FBXW7: variants seen among roughly 807,000 people sequenced by gnomAD.
The protein encoded by FBXW7 is F-box/WD repeat-containing protein 7.
In FBXW7, 11 loss-of-function variants were observed where a neutral mutation model predicts 86.3. The ratio of observed to expected loss-of-function variants is 0.13; its 90% confidence interval spans 0.08 to 0.21. FBXW7 has a LOEUF of 0.21. FBXW7 is among the 10% of genes least tolerant of loss of function. The probability of loss-of-function intolerance (pLI) is 1.00; values close to 1 mark genes in which losing one functional copy is unlikely to be tolerated. For synonymous variants in FBXW7, 313 were observed against 297.9 expected (o/e 1.05, Z -0.52); for missense variants, 488 against 847.4 (o/e 0.58, Z 5.27).
At chr4:152,359,588 C>T (rs1399990892) in intron 4 of FBXW7, among the ~76,000 whole-genome samples, 5 of 151,782 alleles carry the variant, frequency 3.3e-5, no homozygotes, top group African/African-American at 4.8e-5. Flanking sequence ...GACTCTGTCT[C>T]AAAAACAAAC....
chr4:152,535,846 C>A lies in FBXW7; in HGVS notation c.-932G>T, dbSNP rs978723344. ...TCGGGCTCCGGCTCTGGCTCCGGCT[C>A]CGGCGTGTGCAGCCGCCGCTGCCGG... is the stretch of plus-strand genomic sequence containing the variant. On this transcript the variant is annotated 5_prime_UTR_variant, in exon 1 of 14. Coordinates refer to ENST00000281708, the MANE Select transcript of FBXW7 (RefSeq NM_001349798.2). 1.3e-5 allele frequency: 5 copies of A among 388,424 alleles called. No individual in the cohort carries two copies. Among genetic ancestry groups the A allele is most frequent in the African/African-American group, 1.0e-4 (5 of 48,214 alleles). 24.1% of individuals were successfully genotyped at this position (388,424 alleles called of 1,614,324 possible). A position where few individuals can be genotyped will look rare whatever the true frequency, so the allele number is the denominator to read the frequency against.
intron 2 of FBXW7, among the ~76,000 whole-genome samples, chr4:152,516,307 G>A (rs892683788): frequency 4.6e-5 from 7 of 152,206 alleles, no homozygotes; most frequent in African/African-American, 1.4e-4. Context: ...CCTGAGCTCC[G>A]CCTCCTGTCA....
intron 2 of FBXW7, among the ~76,000 whole-genome samples, chr4:152,472,872 T>C (rs1744081671): frequency 6.6e-6 from 1 of 152,166 alleles, no homozygotes; most frequent in South Asian, 2.1e-4. Context: ...AATCTCCTAA[T>C]AATGTATTTC....
intron 2 of FBXW7, among the ~76,000 whole-genome samples, chr4:152,476,907 G>A (rs978977283): frequency 6.6e-6 from 1 of 151,076 alleles, no homozygotes; most frequent in African/African-American, 2.5e-5. Flanking sequence ...AGCAAAGAAA[G>A]GCATTCTTAC....
chr4:152,516,902 T>C (rs561236952), intron 2 of FBXW7, among the ~76,000 whole-genome samples: 1 of 152,318 alleles, frequency 6.6e-6, no homozygotes, highest in South Asian at 2.1e-4. Flanking sequence ...CTTGGCTCAC[T>C]GCAGCCTCGA....
At chr4:152,403,537 G>C (rs1737132191) in intron 4 of FBXW7, among the ~76,000 whole-genome samples, 1 of 151,664 alleles carries the variant, frequency 6.6e-6, no homozygotes, top group Non-Finnish European at 1.5e-5. Flanking sequence ...TTTGGCACCA[G>C]AGACAGGTTT....
intron 4 of FBXW7, among the ~76,000 whole-genome samples, chr4:152,355,891 G>A (rs1239420212): frequency 1.3e-5 from 2 of 152,098 alleles, no homozygotes; most frequent in Non-Finnish European, 2.9e-5. Context: ...TCCTACCAGA[G>A]CTCTGAACAA....
At chr4:152,444,145 C>G (rs1560905061) in intron 2 of FBXW7, among the ~76,000 whole-genome samples, 2 of 152,124 alleles carry the variant, frequency 1.3e-5, no homozygotes, top group Admixed American at 6.5e-5. Context: ...TCTTGACCTA[C>G]AAAAACGGTA....
In FBXW7 at chr4:152,347,086, A is replaced by C. The variant is rs1560786578; in HGVS notation, c.585-15T>G. 1 of 1,586,714 alleles carries C rather than the reference A, an allele frequency of 6.3e-7. No homozygotes were observed. Among genetic ancestry groups the C allele is most frequent in the South Asian group, 1.2e-5 (1 of 85,430 alleles). On this transcript the variant is annotated splice_polypyrimidine_tract_variant and intron_variant, in intron 5 of 13. Transcript: ENST00000281708. ...GCCCAGTGGTACTACAAAAAAAAAA[A>C]AAAGAGAGAGAGAAAGGATAAAAGG... is the stretch of plus-strand genomic sequence containing the variant.
At position 152,321,133 on chromosome 4, in the gene FBXW7, G is replaced by C. The variant is rs1728528943; in HGVS notation, c.*1748C>G. 5.0e-6 allele frequency: 1 copy of C among 199,726 alleles called. No individual in the cohort carries two copies. The highest frequency in any genetic ancestry group is 6.0e-5 in the Admixed American group (1 of 16,634). The allele number at this position is 199,726 out of a possible 1,614,324, so 12.4% of individuals were successfully genotyped here. A position where few individuals can be genotyped will look rare whatever the true frequency, so the allele number is the denominator to read the frequency against. ...TTTCGCGGTATAAAACAGGCTTGAAGTATTGATTTCTATGTCACACAGCAG... is the reference window on the plus strand; with the variant it reads ...TTTCGCGGTATAAAACAGGCTTGAACTATTGATTTCTATGTCACACAGCAG... On this transcript the variant is annotated 3_prime_UTR_variant, in exon 14 of 14. Transcript: ENST00000281708.
intron 4 of FBXW7, among the ~76,000 whole-genome samples, chr4:152,364,246 T>C (rs1403132616): frequency 6.6e-6 from 1 of 152,064 alleles, no homozygotes; most frequent in Admixed American, 6.6e-5. Context: ...AACAAATGGG[T>C]TTTGCTTCCT....
intron 2 of FBXW7, among the ~76,000 whole-genome samples, chr4:152,517,631 A>G (rs896434287): frequency 2.0e-5 from 3 of 152,212 alleles, no homozygotes; most frequent in Admixed American, 6.5e-5. Flanking sequence ...CTCTATGCCA[A>G]ATTTTCAGCT....
intron 4 of FBXW7, among the ~76,000 whole-genome samples, chr4:152,402,982 GC>G (rs1737080568): frequency 1.3e-5 from 2 of 152,218 alleles, no homozygotes; most frequent in African/African-American, 2.4e-5. Context: ...TGTTGGTAAA[GC>G]CACTGGGCAC....
At chr4:152,379,597 C>A (rs1304142854) in intron 4 of FBXW7, among the ~76,000 whole-genome samples, 1 of 152,118 alleles carries the variant, frequency 6.6e-6, no homozygotes, top group Non-Finnish European at 1.5e-5. Context: ...CAGCTCACTG[C>A]AACCTCTAAC....
intron 4 of FBXW7, among the ~76,000 whole-genome samples, chr4:152,375,203 A>T (rs1421034773): frequency 6.6e-6 from 1 of 152,118 alleles, no homozygotes; most frequent in Non-Finnish European, 1.5e-5. Context: ...TGCTCCTGCT[A>T]GCATGAGAAG....
intron 4 of FBXW7, among the ~76,000 whole-genome samples, chr4:152,383,861 G>A (rs78691825): frequency 0.014 from 2,056 of 152,178 alleles, 25 homozygotes; most frequent in Non-Finnish European, 0.02. Flanking sequence ...ATCACTGGCA[G>A]CAATGCTACA....
At chr4:152,427,853 G>C (rs1194837035) in intron 2 of FBXW7, among the ~76,000 whole-genome samples, 1 of 152,110 alleles carries the variant, frequency 6.6e-6, no homozygotes, top group South Asian at 2.1e-4. Flanking sequence ...AATACACTTG[G>C]AAAAGAATGA....
At position 152,535,324 on chromosome 4, in the gene FBXW7, G is replaced by A. The variant is rs997804712; in HGVS notation, c.-410C>T. Reference sequence around the variant, plus strand: ...ACTGGGGCGGGGGAGGGGGGCTCTAGGAACTCCTCCCGGAGTCCAGCCAAG... The same window carrying A: ...ACTGGGGCGGGGGAGGGGGGCTCTAAGAACTCCTCCCGGAGTCCAGCCAAG... On this transcript the variant is annotated 5_prime_UTR_variant, in exon 1 of 14. Coordinates refer to ENST00000281708, the MANE Select transcript of FBXW7 (RefSeq NM_001349798.2). 5.9e-6 allele frequency: 2 copies of A among 337,626 alleles called. No individual in the cohort carries two copies. The highest frequency in any genetic ancestry group is 2.1e-5 in the African/African-American group (1 of 46,840). The allele number at this position is 337,626 out of a possible 1,614,324, so 20.9% of individuals were successfully genotyped here.
chr4:152,491,215 C>A (rs1246367639), intron 2 of FBXW7, among the ~76,000 whole-genome samples: 3 of 152,132 alleles, frequency 2.0e-5, no homozygotes, highest in African/African-American at 7.2e-5. Flanking sequence ...CACATTCATA[C>A]ATTTTATAAC....
Sources: allele counts gnomAD v4.1 joint callset (sites outside exome capture counted in the v4.1 genomes callset), GRCh38; gene constraint gnomAD v4.1.1; transcripts MANE v1.5; gene names NCBI Gene and HGNC (gene_info 2026-07-23, HGNC 2026-07-21).